The following RPL27A variants were observed in gnomAD, a reference collection of about 807,000 sequenced individuals.
RPL27A encodes the protein large ribosomal subunit protein uL15.
For synonymous variants in RPL27A, 69 were observed against 68.3 expected, an observed-to-expected ratio of 1.01 and a Z score of -0.05; for missense variants, 118 against 189.4, an observed-to-expected ratio of 0.62 and a Z score of 2.21.
rs2039586868 is a variant in RPL27A, at chr11:8,686,363, T to G, written c.*557T>G. ...CTCCTGCCTCAGCTTCCTGACTAAC[T>G]GGGATTACAGGCGCCCACCACCATG... On this transcript the variant is annotated 3_prime_UTR_variant, in exon 5 of 5. Transcript: ENST00000314138. 6.5e-6 allele frequency: 1 copy of G among 152,872 alleles called. No homozygotes were observed. Among genetic ancestry groups the G allele is most frequent in the South Asian group, 2.0e-4 (1 of 4,886 alleles). The allele number at this position is 152,872 out of a possible 1,614,324, so 9.5% of individuals were successfully genotyped here. A position where few individuals can be genotyped will look rare whatever the true frequency, so the allele number is the denominator to read the frequency against.
rs570617851 is a variant in RPL27A, at chr11:8,686,203, A to T, written c.*397A>T. The T allele has an allele frequency of 6.3e-6, 1 of 159,378 alleles. No individual in the cohort carries two copies. The highest frequency in any genetic ancestry group is 1.8e-4 in the East Asian group (1 of 5,484). The allele number at this position is 159,378 out of a possible 1,614,324, so 9.9% of individuals were successfully genotyped here. On this transcript the variant is annotated 3_prime_UTR_variant, in exon 5 of 5. Transcript: ENST00000314138. ...GAATGAGATGGTCCTTTAGGACTTA[A>T]GTTCTCAGCCCAAGGTTTTTCCACG...
In RPL27A at chr11:8,686,767, AACTGATGGTGACCAATTCATGTTT is replaced by A. The variant is rs2039590944; in HGVS notation, c.*964_*987del. The A allele has an allele frequency of 6.6e-6, 1 of 152,290 alleles. No homozygotes were observed. Among genetic ancestry groups the A allele is most frequent in the Admixed American group, 6.5e-5 (1 of 15,304 alleles). 9.4% of individuals were successfully genotyped at this position (152,290 alleles called of 1,614,324 possible). A position where few individuals can be genotyped will look rare whatever the true frequency, so the allele number is the denominator to read the frequency against. ...GGATTTGTGTCTCTTGCTATTGGAA[AACTGATGGTGACCAATTCATGTTT>A]ACAAATAAGATCCTCATAGATCTCG... On this transcript the variant is annotated 3_prime_UTR_variant, in exon 5 of 5. Coordinates refer to ENST00000314138, the MANE Select transcript of RPL27A (RefSeq NM_000990.5).
chr11:8,685,316 AG>A, intron 4 of RPL27A: 1 of 511,794 alleles, frequency 2.0e-6, no homozygotes, highest in Non-Finnish European at 3.8e-6. Context: ...CCAGAACCCT[AG>A]GGACGCTTTA....
intron 1 of RPL27A, 169 bp from the exon 2 acceptor site, chr11:8,683,033 G>T: frequency 1.2e-6 from 1 of 848,958 alleles, no homozygotes. Flanking sequence ...GGGCCCCTGC[G>T]CTACCGTGGT....
intron 2 of RPL27A, chr11:8,683,781 G>C: frequency 1.8e-6 from 1 of 558,806 alleles, no homozygotes; most frequent in South Asian, 1.9e-5. Flanking sequence ...GGGCTCAAGC[G>C]ATTCTCCTGC....
intron 4 of RPL27A, 63 bp from the exon 5 acceptor site, chr11:8,685,615 A>C (rs2039579791): frequency 6.3e-7 from 1 of 1,583,138 alleles, no homozygotes; most frequent in African/African-American, 1.3e-5. Flanking sequence ...GTCTTTCCTC[A>C]CGCCCATCAC....
At position 8,689,516 on chromosome 11, in the gene RPL27A, A is replaced by C. The variant is rs77427782; in HGVS notation, c.*3710A>C. 1 of 150,622 alleles carries C rather than the reference A, an allele frequency of 6.6e-6. No homozygotes were observed. Among genetic ancestry groups the C allele is most frequent in the Non-Finnish European group, 1.5e-5 (1 of 67,764 alleles). The allele number at this position is 150,622 out of a possible 1,614,324, so 9.3% of individuals were successfully genotyped here. On this transcript the variant is annotated 3_prime_UTR_variant, in exon 5 of 5. Transcript: ENST00000314138. ...TAAATGGAGCGAAAGTATCTTGAGA[A>C]AAAAAAAAAAACTACCAGAACTTGC...
intron 1 of RPL27A, 152 bp downstream of exon 1, chr11:8,682,968 G>T: frequency 9.1e-7 from 1 of 1,098,786 alleles, no homozygotes; most frequent in South Asian, 1.5e-5. Context: ...GCGGGCCCGG[G>T]GCGGGGCTCC....
rs1207281606 is a variant in RPL27A at position 8,686,094 on chromosome 11, G to C, written c.*288G>C. Reference sequence around the variant, plus strand: ...ACTCTGAATTTTACAGTGAATGAGAGAATGTACCCTAATTGTTCAACAGGG... The same window carrying C: ...ACTCTGAATTTTACAGTGAATGAGACAATGTACCCTAATTGTTCAACAGGG... On this transcript the variant is annotated 3_prime_UTR_variant, in exon 5 of 5. Coordinates refer to ENST00000314138, the MANE Select transcript of RPL27A (RefSeq NM_000990.5). 3 of 328,288 alleles carry C rather than the reference G, an allele frequency of 9.1e-6. No individual in the cohort carries two copies. Among genetic ancestry groups the C allele is most frequent in the Non-Finnish European group, 1.7e-5 (3 of 175,432 alleles). 20.3% of individuals were successfully genotyped at this position (328,288 alleles called of 1,614,324 possible).
chr11:8,684,938 A>G lies in RPL27A; in HGVS notation c.318+46A>G, dbSNP rs753356357. The G allele has an allele frequency of 1.9e-6, 3 of 1,583,806 alleles. No homozygotes were observed. In the South Asian group the frequency reaches 3.3e-5, roughly 18 times the overall value. On this transcript the variant is annotated intron_variant, in intron 4 of 4. Coordinates refer to ENST00000314138, the MANE Select transcript of RPL27A (RefSeq NM_000990.5). ...TCTGTACTTCCATACCTTCCCTTAC[A>G]AAACTCTGGCTTAATCTAATCCACT...
rs1364649674 is a variant in RPL27A at position 8,686,998 on chromosome 11, A to C, written c.*1192A>C. 6.6e-6 allele frequency: 1 copy of C among 152,216 alleles called. No homozygotes were observed. The highest frequency in any genetic ancestry group is 2.4e-5 in the African/African-American group (1 of 41,470). 9.4% of individuals were successfully genotyped at this position (152,216 alleles called of 1,614,324 possible). A position where few individuals can be genotyped will look rare whatever the true frequency, so the allele number is the denominator to read the frequency against. On this transcript the variant is annotated 3_prime_UTR_variant, in exon 5 of 5. Transcript: ENST00000314138. ...AATAAGCCGAGAACCATGGCTGTCT[A>C]TGGGACACATCTGTCAGGACAACCT...
At position 8,682,819 on chromosome 11, in the gene RPL27A, A is replaced by G. The variant is rs2039508145; in HGVS notation, c.3+3A>G. 2 of 1,612,514 alleles carry G rather than the reference A, an allele frequency of 1.2e-6. No individual in the cohort carries two copies. The highest frequency in any genetic ancestry group is 1.3e-5 in the African/African-American group (1 of 74,922). On this transcript the variant is annotated splice_donor_region_variant and intron_variant, in intron 1 of 4. Coordinates refer to ENST00000314138, the MANE Select transcript of RPL27A (RefSeq NM_000990.5). ...TTTTCGTCTGGGCTGCCAACATGGT[A>G]GGTGTTTCGTTTCTTGCCTCCTCTT...
At chr11:8,684,160 T>A in intron 3 of RPL27A, 79 bp downstream of exon 3, 8 of 1,198,748 alleles carry the variant, frequency 6.7e-6, no homozygotes, top group South Asian at 2.4e-5. Flanking sequence ...ACAAAAAGTT[T>A]AGAAGCAAGC....
intron 4 of RPL27A, 29 bp from the exon 5 acceptor site, chr11:8,685,649 A>T (rs773973282): frequency 1.9e-6 from 3 of 1,613,448 alleles, no homozygotes. Context: ...ACTACAGTGT[A>T]TTGTAAACTT....
rs2039606578 is a variant in RPL27A at position 8,688,389 on chromosome 11, A to C, written c.*2583A>C. 6.6e-6 allele frequency: 1 copy of C among 151,548 alleles called. No homozygotes were observed. The highest frequency in any genetic ancestry group is 2.4e-5 in the African/African-American group (1 of 41,022). 9.4% of individuals were successfully genotyped at this position (151,548 alleles called of 1,614,324 possible). On this transcript the variant is annotated 3_prime_UTR_variant, in exon 5 of 5. Transcript: ENST00000314138. ...GATTTCGTTGCTGGCTTGTTCACTC[A>C]CCAGAAGCTACAGCTACTAACAGTT...
chr11:8,685,436 T>A (rs763587711), intron 4 of RPL27A: 1 of 674,684 alleles, frequency 1.5e-6, no homozygotes, highest in Non-Finnish European at 2.8e-6. Context: ...AGGCTTATGC[T>A]TTGCCGAGAC....
At chr11:8,684,246 T>C (rs547911727) in intron 3 of RPL27A, 165 bp downstream of exon 3, 48 of 771,746 alleles carry the variant, frequency 6.2e-5, no homozygotes, top group Middle Eastern at 2.2e-4. Context: ...AGAGTCACGC[T>C]TGGGTATCGG....
At chr11:8,685,567 T>C (rs772291778) in intron 4 of RPL27A, 111 bp from the exon 5 acceptor site, 3 of 1,249,270 alleles carry the variant, frequency 2.4e-6, no homozygotes, top group Non-Finnish European at 3.5e-6. Flanking sequence ...ATCAGAAACA[T>C]ACATACCCTG....
intron 4 of RPL27A, 24 bp downstream of exon 4, chr11:8,684,916 G>C: frequency 6.2e-7 from 1 of 1,609,866 alleles, no homozygotes; most frequent in Non-Finnish European, 8.5e-7. Context: ...ATGTTTTTCT[G>C]TACTTCCATA....
Sources: gnomAD v4.1 joint callset for allele counts on GRCh38, gnomAD v4.1.1 for gene constraint, MANE v1.5 for transcripts, NCBI Gene and HGNC (gene_info 2026-07-23, HGNC 2026-07-21) for gene names.